The following ROBO2 variants were observed in gnomAD, a reference collection of about 807,000 sequenced individuals.
ROBO2 encodes roundabout homolog 2.
ROBO2 carries 53 observed loss-of-function variants against 160.8 expected under a neutral mutation model. The observed-to-expected ratio is 0.33, with a 90% CI of 0.26 to 0.41. The LOEUF (loss-of-function observed/expected upper bound fraction) is 0.41. Among genes scored for constraint, ROBO2 ranks in the 10% least tolerant of loss-of-function variants. The probability of loss-of-function intolerance (pLI) is 1.00; values close to 1 mark genes in which losing one functional copy is unlikely to be tolerated. For missense variants in ROBO2, 1,577 were observed against 1,722.4 expected (o/e 0.92, Z 1.49); for synonymous variants, 664 against 611.7 (o/e 1.09, Z -1.26).
intron 2 of ROBO2, among the ~76,000 whole-genome samples, chr3:77,305,945 C>A (rs2063062453): frequency 6.6e-6 from 1 of 152,110 alleles, no homozygotes; most frequent in Non-Finnish European, 1.5e-5. Context: ...GTAATATATA[C>A]TGATTTCAGG....
exon 25 of ROBO2, chr3:77,644,741 A>G: frequency 6.2e-7 from 1 of 1,613,994 alleles, no homozygotes; most frequent in Non-Finnish European, 8.5e-7. Flanking sequence ...CCAGTTTCCC[A>G]TCTCCAGGTG....
intron 2 of ROBO2, among the ~76,000 whole-genome samples, chr3:76,050,133 G>T (rs1358318090): frequency 6.6e-6 from 1 of 152,136 alleles, no homozygotes; most frequent in African/African-American, 2.4e-5. Flanking sequence ...AGTGGACTAG[G>T]AGACATAGAA....
rs530497939 is a variant in ROBO2 at position 76,265,840 on chromosome 3, GTTC to G, written c.109+328241_109+328243del. Among the ~76,000 whole-genome samples, 475 of 152,210 alleles carry G rather than the reference GTTC, an allele frequency of 3.1e-3. 4 individuals carry two copies. Among genetic ancestry groups the G allele is most frequent in the Admixed American group, 6.3e-3 (96 of 15,272 alleles). On this transcript the variant is annotated intron_variant, in intron 2 of 26. Transcript: ENST00000487694. Reference sequence around the variant, plus strand: ...ACAGTGAACAGATTTGTCTGTTCAAGTTCTTTAACTTATATGATTTTCTGTTTC... The same window carrying G: ...ACAGTGAACAGATTTGTCTGTTCAAGTTTAACTTATATGATTTTCTGTTTC...
At chr3:76,604,531 T>C (rs916237308) in intron 2 of ROBO2, among the ~76,000 whole-genome samples, 4 of 152,188 alleles carry the variant, frequency 2.6e-5, no homozygotes, top group Non-Finnish European at 5.9e-5. Flanking sequence ...GAAACTTTTA[T>C]TTTGCAAATT....
intron 2 of ROBO2, among the ~76,000 whole-genome samples, chr3:76,123,858 T>C (rs1447284410): frequency 6.6e-6 from 1 of 152,168 alleles, no homozygotes; most frequent in Non-Finnish European, 1.5e-5. Flanking sequence ...GTGATGTATG[T>C]TTCCCAGTTG....
chr3:77,374,958 C>T (rs1021678890), intron 2 of ROBO2, among the ~76,000 whole-genome samples: 15 of 152,268 alleles, frequency 9.9e-5, no homozygotes, highest in Admixed American at 5.2e-4. Flanking sequence ...CCTGTAATCC[C>T]GGCGCTTTGG....
chr3:76,227,547 A>G (rs982915145), intron 2 of ROBO2, among the ~76,000 whole-genome samples: 2 of 152,182 alleles, frequency 1.3e-5, no homozygotes, highest in Non-Finnish European at 2.9e-5. Context: ...GATCAGCCTT[A>G]TAGCTTTTCA....
intron 2 of ROBO2, among the ~76,000 whole-genome samples, chr3:76,515,442 T>G (rs1210681053): frequency 6.6e-6 from 1 of 152,120 alleles, no homozygotes; most frequent in Non-Finnish European, 1.5e-5. Flanking sequence ...GTACATCTCC[T>G]TTCAAAACAA....
intron 2 of ROBO2, among the ~76,000 whole-genome samples, chr3:76,817,087 G>A (rs1260608283): frequency 2.6e-5 from 4 of 152,074 alleles, no homozygotes; most frequent in Non-Finnish European, 5.9e-5. Flanking sequence ...TTGGGGACAA[G>A]GGAGGGATAG....
At chr3:76,428,839 T>C (rs569477911) in intron 2 of ROBO2, among the ~76,000 whole-genome samples, 2 of 152,294 alleles carry the variant, frequency 1.3e-5, no homozygotes, top group South Asian at 4.1e-4. Context: ...TCGACCTTAC[T>C]TAACCCTTCT....
Position 77,098,046 on chromosome 3 carries a change from C to A in ROBO2, c.94C>A (p.Arg32=), listed in dbSNP as rs6788280. The change falls in exon 2 of 26, where the codon CGG becomes AGG. Residue 32 remains arginine, a synonymous_variant. Coordinates refer to ENST00000461745, the Ensembl canonical transcript of ROBO2. ...TCTTCGCCAGGAGGACTTTCCCCCG[C>A]GGATTGTGGAGCATCCTTCCGATGT... The A allele has an allele frequency of 0.01, 16,000 of 1,580,932 alleles. 1,329 individuals are homozygous for A. In the African/African-American group the frequency reaches 0.19, roughly 18 times the overall value.
chr3:76,614,431 C>A (rs1211472654), intron 2 of ROBO2, among the ~76,000 whole-genome samples: 1 of 152,084 alleles, frequency 6.6e-6, no homozygotes, highest in Non-Finnish European at 1.5e-5. Flanking sequence ...TACTTGTTAT[C>A]ATTAACATTT....
chr3:77,040,368 G>A (rs1300046693), exon 1 of ROBO2: 18 of 1,004,472 alleles, frequency 1.8e-5, no homozygotes, highest in East Asian at 1.0e-4. Context: ...TTTCGGCAGC[G>A]CGCTGGCAAG....
intron 2 of ROBO2, among the ~76,000 whole-genome samples, chr3:77,428,331 T>C (rs1393834023): frequency 1.4e-5 from 2 of 146,326 alleles, no homozygotes; most frequent in Admixed American, 1.4e-4. Context: ...CAGCAAAACT[T>C]AGGTAATATT....
At chr3:77,240,674 G>T (rs1201505317) in intron 2 of ROBO2, among the ~76,000 whole-genome samples, 7 of 152,210 alleles carry the variant, frequency 4.6e-5, no homozygotes, top group Admixed American at 3.9e-4. Context: ...ACTGTTAGCT[G>T]AATCCAGTGA....
intron 2 of ROBO2, among the ~76,000 whole-genome samples, chr3:76,841,814 C>T (rs907329226): frequency 6.6e-6 from 1 of 152,162 alleles, no homozygotes; most frequent in African/African-American, 2.4e-5. Flanking sequence ...ATTAAAAGTA[C>T]TATTCAGTGC....
chr3:76,866,398 A>G (rs1215913950), intron 2 of ROBO2, among the ~76,000 whole-genome samples: 1 of 152,136 alleles, frequency 6.6e-6, no homozygotes, highest in Non-Finnish European at 1.5e-5. Flanking sequence ...CTATTTGTTA[A>G]AATGTTATTT....
At chr3:76,252,069 G>T (rs1706038717) in intron 2 of ROBO2, among the ~76,000 whole-genome samples, 1 of 152,018 alleles carries the variant, frequency 6.6e-6, no homozygotes, top group Non-Finnish European at 1.5e-5. Flanking sequence ...GTCACCCACA[G>T]GTAGACATTT....
chr3:76,712,773 G>A (rs166439), intron 2 of ROBO2, among the ~76,000 whole-genome samples: 59,110 of 151,586 alleles, frequency 0.39, 12,279 homozygotes, highest in Non-Finnish European at 0.47. Flanking sequence ...AATCATTTTC[G>A]CCAGCAAACT....
Sources: allele counts gnomAD v4.1 joint callset (sites outside exome capture counted in the v4.1 genomes callset), GRCh38; gene constraint gnomAD v4.1.1; transcripts MANE v1.5; gene names NCBI Gene and HGNC (gene_info 2026-07-23, HGNC 2026-07-21).